Variants in ZNF566 observed in about 807,000 individuals in gnomAD.
The protein encoded by ZNF566 is zinc finger protein 566.
ZNF566 carries 27 observed loss-of-function variants against 32.8 expected under a neutral mutation model. That is an observed-to-expected ratio of 0.82 (90% confidence interval 0.61 to 1.14). The LOEUF is 1.14. Ranked by LOEUF, ZNF566 falls within the 50% of genes most tolerant of loss-of-function variation. The probability of loss-of-function intolerance (pLI) is 0.00; values close to 1 mark genes in which losing one functional copy is unlikely to be tolerated. For synonymous variants in ZNF566, 154 were observed against 159.5 expected (o/e 0.97, Z 0.26); for missense variants, 402 against 490.4 (o/e 0.82, Z 1.70).
intron 1 of ZNF566, among the ~76,000 whole-genome samples, chr19:36,489,244 C>A (rs1447395091): frequency 6.6e-6 from 1 of 152,190 alleles, no homozygotes; most frequent in East Asian, 1.9e-4. Flanking sequence ...CAATGCCGCA[C>A]GTGGTCCTGC....
intron 4 of ZNF566, among the ~76,000 whole-genome samples, chr19:36,472,595 T>C (rs1280443146): frequency 3.3e-5 from 5 of 152,146 alleles, no homozygotes; most frequent in Non-Finnish European, 2.9e-5. Context: ...AGTGATGCTT[T>C]TATTAGACTA....
intron 4 of ZNF566, among the ~76,000 whole-genome samples, chr19:36,458,179 C>A (rs751916307): frequency 6.6e-6 from 1 of 151,706 alleles, no homozygotes; most frequent in African/African-American, 2.4e-5. Flanking sequence ...TTCATGATAG[C>A]CAAGATATGG....
At position 36,447,604 on chromosome 19, in the gene ZNF566, T is replaced by C. The variant is rs750757793; in HGVS notation, c.*1373A>G. ...TTTCTATCTCTGTCCATTTTTTAAA[T>C]ATGATGCTGTTTCTCTTTTCATACT... On this transcript the variant is annotated 3_prime_UTR_variant, in exon 5 of 5. Coordinates refer to ENST00000452939, the MANE Select transcript of ZNF566 (RefSeq NM_001145344.1). 1 of 152,234 alleles carries C rather than the reference T, an allele frequency of 6.6e-6. No homozygotes were observed. The highest frequency in any genetic ancestry group is 1.5e-5 in the Non-Finnish European group (1 of 68,042). 9.4% of individuals were successfully genotyped at this position (152,234 alleles called of 1,614,324 possible). A position where few individuals can be genotyped will look rare whatever the true frequency, so the allele number is the denominator to read the frequency against.
At chr19:36,465,672 A>G (rs1437446732) in intron 4 of ZNF566, among the ~76,000 whole-genome samples, 1 of 151,874 alleles carries the variant, frequency 6.6e-6, no homozygotes. Context: ...ACGGGGTTTC[A>G]TCATGTTAGC....
At chr19:36,462,967 A>AAAAAAG (rs2033512558) in intron 4 of ZNF566, among the ~76,000 whole-genome samples, 1 of 142,362 alleles carries the variant, frequency 7.0e-6, no homozygotes, top group Non-Finnish European at 1.5e-5. Context: ...AAAAAAAAAA[A>AAAAAAG]AAAAAAAAAA....
At chr19:36,467,790 C>A (rs1180119246) in intron 4 of ZNF566, among the ~76,000 whole-genome samples, 1 of 85,912 alleles carries the variant, frequency 1.2e-5, no homozygotes, top group African/African-American at 4.6e-5. Context: ...GACTCCATCT[C>A]AAAAAAAAAA....
intron 1 of ZNF566, among the ~76,000 whole-genome samples, chr19:36,484,008 G>A (rs2034096720): frequency 6.6e-6 from 1 of 152,142 alleles, no homozygotes; most frequent in Non-Finnish European, 1.5e-5. Context: ...GAGTAGCTGG[G>A]ATTACAGGTG....
rs1399878442 is a variant in ZNF566, at chr19:36,476,421, T to C, written c.9+128A>G. 5 of 750,656 alleles carry C rather than the reference T, an allele frequency of 6.7e-6. No individual in the cohort carries two copies. In the Admixed American group the frequency reaches 1.1e-4, roughly 16 times the overall value. The allele number at this position is 750,656 out of a possible 1,614,324, so 46.5% of individuals were successfully genotyped here. A position where few individuals can be genotyped will look rare whatever the true frequency, so the allele number is the denominator to read the frequency against. On this transcript the variant is annotated intron_variant, in intron 2 of 4. Transcript: ENST00000452939. ...CTTTACAGCAAAATTCTGACATTGC[T>C]CATAACCAAACTTTTTGAAAGGTGT...
chr19:36,476,749 T>C, intron 1 of ZNF566, 133 bp from the exon 2 acceptor site: 1 of 663,882 alleles, frequency 1.5e-6, no homozygotes, highest in Admixed American at 3.1e-5. Flanking sequence ...CAAATGTCTC[T>C]ATCATCCCTA....
At chr19:36,466,790 T>G (rs1219221092) in intron 4 of ZNF566, among the ~76,000 whole-genome samples, 1 of 152,058 alleles carries the variant, frequency 6.6e-6, no homozygotes. Flanking sequence ...TACAGACAAT[T>G]CGGCCAGGCG....
rs1056627873 is a variant in ZNF566 at position 36,446,569 on chromosome 19, T to C, written c.*2408A>G. 6.6e-6 allele frequency: 1 copy of C among 152,244 alleles called. No homozygotes were observed. Among genetic ancestry groups the C allele is most frequent in the Non-Finnish European group, 1.5e-5 (1 of 68,040 alleles). 9.4% of individuals were successfully genotyped at this position (152,244 alleles called of 1,614,324 possible). A position where few individuals can be genotyped will look rare whatever the true frequency, so the allele number is the denominator to read the frequency against. Reference sequence around the variant, plus strand: ...CCCCTTTTCTTTCTCTTTAATGGTATTGTTTCATTAATTTGGGTGCAAATG... The same window carrying C: ...CCCCTTTTCTTTCTCTTTAATGGTACTGTTTCATTAATTTGGGTGCAAATG... On this transcript the variant is annotated 3_prime_UTR_variant, in exon 5 of 5. Coordinates refer to ENST00000452939, the MANE Select transcript of ZNF566 (RefSeq NM_001145344.1).
At chr19:36,459,931 G>T (rs1267079690) in intron 4 of ZNF566, among the ~76,000 whole-genome samples, 1 of 149,630 alleles carries the variant, frequency 6.7e-6, no homozygotes, top group African/African-American at 2.5e-5. Context: ...AGATCCTCCT[G>T]CCTCTCAGCC....
chr19:36,482,729 TTC>T (rs1348412748), intron 1 of ZNF566, among the ~76,000 whole-genome samples: 1 of 152,214 alleles, frequency 6.6e-6, no homozygotes, highest in African/African-American at 2.4e-5. Context: ...AGAAGCAGGT[TTC>T]TCTCTGTTGG....
chr19:36,469,877 A>C (rs2033719595), intron 4 of ZNF566, among the ~76,000 whole-genome samples: 1 of 152,228 alleles, frequency 6.6e-6, no homozygotes, highest in African/African-American at 2.4e-5. Flanking sequence ...ATTGATTAGA[A>C]AGCAGCTTAA....
chr19:36,473,363 C>T lies in ZNF566; in HGVS notation c.105G>A (p.Met35Ile). Residue 35 changes from methionine to isoleucine, a missense_variant, in exon 3 of 5, where the codon ATG becomes ATA. Met to Ile is a conservative substitution (Grantham distance 10). Around this residue, in one of 3 missense-constraint regions of ZNF566, gnomAD observed 220 missense variants for 241.9 expected, o/e 0.91. Coordinates refer to ENST00000452939, the MANE Select transcript of ZNF566 (RefSeq NM_001145344.1). Reference protein sequence around the residue: ...DDQRDLYRDVMLENYSNLVSM... With the variant: ...DDQRDLYRDVILENYSNLVSM... ...AAACCAGGTTGCTGTAATTCTCCAA[C>T]ATCACATCTCTGTATAAATCTCTCT... 4 of 1,614,084 alleles carry T rather than the reference C, an allele frequency of 2.5e-6. No homozygotes were observed. Among genetic ancestry groups the T allele is most frequent in the Non-Finnish European group, 3.4e-6 (4 of 1,179,958 alleles).
intron 4 of ZNF566, among the ~76,000 whole-genome samples, chr19:36,452,105 G>A (rs926935727): frequency 6.6e-6 from 1 of 151,620 alleles, no homozygotes; most frequent in Non-Finnish European, 1.5e-5. Flanking sequence ...AGGGAGAATA[G>A]TTAGAAGACT....
intron 4 of ZNF566, among the ~76,000 whole-genome samples, chr19:36,454,425 T>G (rs2033248703): frequency 6.6e-6 from 1 of 151,996 alleles, no homozygotes; most frequent in South Asian, 2.1e-4. Context: ...GAGGGGTGCA[T>G]GACTATAGCC....
Position 36,449,040 on chromosome 19 carries a change from C to G in ZNF566, c.1194G>C (p.Arg398Ser), listed in dbSNP as rs759997169. The part of the protein sequence containing the change: ...IHTSEKPYEY[R>S]ECGKNFNYDP... ...CATAATTAAAGTTCTTTCCACATTCCCTATATTCATAGGGTTTCTCACTAG... is the reference window on the plus strand; with the variant it reads ...CATAATTAAAGTTCTTTCCACATTCGCTATATTCATAGGGTTTCTCACTAG... The change falls in exon 5 of 5, where the codon AGG becomes AGC. Residue 398 changes from arginine (R) to serine (S), a missense_variant. Arg to Ser is a moderately radical substitution (Grantham distance 110). Around this residue, in one of 3 missense-constraint regions of ZNF566, gnomAD observed 47 missense variants for 38.5 expected, o/e 1.22. Transcript: ENST00000452939. 1.9e-6 allele frequency: 3 copies of G among 1,611,092 alleles called. No individual in the cohort carries two copies. Among genetic ancestry groups the G allele is most frequent in the East Asian group, 4.5e-5 (2 of 44,848 alleles).
intron 1 of ZNF566, among the ~76,000 whole-genome samples, chr19:36,484,688 A>C (rs2034114545): frequency 1.4e-5 from 2 of 143,818 alleles, no homozygotes; most frequent in African/African-American, 2.6e-5. Context: ...CTCCCGGGTT[A>C]ACGCCATTCT....
Sources: gnomAD v4.1 joint callset for allele counts (sites outside exome capture counted in the v4.1 genomes callset) on GRCh38, gnomAD v4.1.1 for gene constraint, gnomAD v4.1.1 regional missense constraint, MANE v1.5 for transcripts, NCBI Gene and HGNC (gene_info 2026-07-23, HGNC 2026-07-21) for gene names.